The following PDE4A variants were observed in gnomAD, a reference collection of about 807,000 sequenced individuals.
PDE4A encodes the protein 3',5'-cyclic-AMP phosphodiesterase 4A.
PDE4A carries 21 observed loss-of-function variants against 73.9 expected under a neutral mutation model. The ratio of observed to expected loss-of-function variants is 0.28; its 90% CI spans 0.20 to 0.41. The LOEUF (loss-of-function observed/expected upper bound fraction) is 0.41, where lower values mean the gene tolerates loss of function less well. PDE4A is among the 10% of genes least tolerant of loss of function. PDE4A has a pLI of 1.00. For synonymous variants in PDE4A, 463 were observed against 505.4 expected (o/e 0.92, Z 1.13); for missense variants, 958 against 1,211.4 (o/e 0.79, Z 3.10).
At chr19:10,441,347 G>A (rs1042419901) in intron 1 of PDE4A, among the ~76,000 whole-genome samples, 2 of 151,420 alleles carry the variant, frequency 1.3e-5, no homozygotes, top group Non-Finnish European at 2.9e-5. Flanking sequence ...GGCTGGTCTC[G>A]AACTCCTGAC....
In PDE4A at chr19:10,458,188, G is replaced by A; in HGVS notation, c.1101+86G>A. The A allele has an allele frequency of 7.6e-7, 1 of 1,312,092 alleles. No individual in the cohort carries two copies. Among genetic ancestry groups the A allele is most frequent in the Non-Finnish European group, 1.1e-6 (1 of 932,526 alleles). 81.3% of individuals were successfully genotyped at this position (1,312,092 alleles called of 1,614,324 possible). A position where few individuals can be genotyped will look rare whatever the true frequency, so the allele number is the denominator to read the frequency against. ...GACTGGGCATTGGGTTATGTCTTAG[G>A]CCAGGTTTCCCAGAAGCAGAGCTTG... is the stretch of plus-strand genomic sequence containing the variant. On this transcript the variant is annotated intron_variant, in intron 8 of 14. Transcript: ENST00000380702. The surrounding 1 kb of genome is among the most constrained non-coding windows in gnomAD (Gnocchi z 4.6).
intron 1 of PDE4A, among the ~76,000 whole-genome samples, chr19:10,439,982 CTTTTTTTT>C (rs1162121051): frequency 1.8e-5 from 2 of 114,044 alleles, no homozygotes. Flanking sequence ...ATGGTATCTC[CTTTTTTTT>C]TTTTTTTTTT....
At chr19:10,446,901 C>CTTTTTTTCTCTTTTCTTATTTTT (rs1939804348) in intron 2 of PDE4A, among the ~76,000 whole-genome samples, 1 of 145,432 alleles carries the variant, frequency 6.9e-6, no homozygotes, top group Admixed American at 6.9e-5. Flanking sequence ...GCCTCAGTTC[C>CTTTTTTTCTCTTTTCTTATTTTT]TTTTTTTTTT....
intron 3 of PDE4A, 58 bp downstream of exon 3, chr19:10,449,011 T>C: frequency 6.2e-7 from 1 of 1,611,426 alleles, no homozygotes; most frequent in Non-Finnish European, 8.5e-7. Flanking sequence ...CCGCCACACT[T>C]GGGGACAGGG....
At chr19:10,446,553 C>A (rs1206462345) in intron 2 of PDE4A, 144 bp downstream of exon 2, 4 of 872,042 alleles carry the variant, frequency 4.6e-6, no homozygotes, top group Non-Finnish European at 6.8e-6. Flanking sequence ...GTAAGCAGCA[C>A]CCTGCCCCTC....
At chr19:10,460,000 C>A (rs2043237202) in intron 10 of PDE4A, among the ~76,000 whole-genome samples, 1 of 152,072 alleles carries the variant, frequency 6.6e-6, no homozygotes, top group Non-Finnish European at 1.5e-5. Flanking sequence ...CCTGCCTCAG[C>A]CTCCTGAGTA....
chr19:10,426,183 A>C (rs1454152376), intron 1 of PDE4A, among the ~76,000 whole-genome samples: 1 of 151,866 alleles, frequency 6.6e-6, no homozygotes, highest in East Asian at 1.9e-4. Flanking sequence ...GAAAAAAATA[A>C]AAGAAGTAAA....
At chr19:10,425,984 C>CACAA (rs2042712121) in intron 1 of PDE4A, among the ~76,000 whole-genome samples, 1 of 48,384 alleles carries the variant, frequency 2.1e-5, no homozygotes, top group Non-Finnish European at 3.8e-5. Flanking sequence ...GAGACCCTGT[C>CACAA]AAAAAAAAAA....
intron 1 of PDE4A, among the ~76,000 whole-genome samples, chr19:10,436,311 T>C (rs1341189735): frequency 6.6e-6 from 1 of 152,020 alleles, no homozygotes; most frequent in African/African-American, 2.4e-5. Flanking sequence ...ATCCCAGCAC[T>C]TTGGGAGGCC....
At chr19:10,461,815 G>A (rs2043277841) in intron 12 of PDE4A, 62 bp from the exon 13 acceptor site, 2 of 1,587,642 alleles carry the variant, frequency 1.3e-6, no homozygotes, top group South Asian at 1.1e-5. Context: ...GAAAACTTCA[G>A]AGGCCCGGGT....
At chr19:10,457,252 T>G (rs2043184518) in intron 7 of PDE4A, among the ~76,000 whole-genome samples, 1 of 152,184 alleles carries the variant, frequency 6.6e-6, no homozygotes, top group Admixed American at 6.5e-5. Context: ...GGTGTGTCTC[T>G]GAGTTCTGAG....
At chr19:10,420,431 G>A (rs1449892937), upstream of PDE4A, 5 of 953,578 alleles carry the variant, frequency 5.2e-6, no homozygotes, top group African/African-American at 7.1e-5. The surrounding 1 kb of genome is among the most constrained non-coding windows in gnomAD (Gnocchi z 6.0). Flanking sequence ...GAGGAGGGGG[G>A]CGGCGCTGAC....
chr19:10,426,867 C>CAA (rs1169070596), intron 1 of PDE4A, among the ~76,000 whole-genome samples: 2 of 99,224 alleles, frequency 2.0e-5, no homozygotes, highest in Admixed American at 1.1e-4. Context: ...GACTCCGTCT[C>CAA]AAAAAAAAAA....
upstream of PDE4A, chr19:10,420,369 G>A (rs1599393382): frequency 1.0e-6 from 1 of 980,120 alleles, no homozygotes; most frequent in Non-Finnish European, 1.2e-6. This position sits in a 1 kb window ranked among gnomAD's most constrained non-coding sequence, Gnocchi z 6.0. Context: ...ATCTGCGTGG[G>A]CGGGAAGGGC....
rs200315710 is a variant in PDE4A, at chr19:10,457,893, G to A, written c.892G>A (p.Val298Met). 2.5e-6 allele frequency: 4 copies of A among 1,612,184 alleles called. No individual in the cohort carries two copies. The highest frequency in any genetic ancestry group is 1.3e-5 in the African/African-American group (1 of 74,830). Residue 298 changes from valine (V) to methionine (M), a missense_variant, in exon 8 of 15, where the codon GTG becomes ATG. By Grantham distance (21) the Val-to-Met change is conservative. Transcript: ENST00000380702. ...ATCTTCTGCAGACAAACAGAATGAA[G>A]TGGAGATCCCATCACCCACGATGAA... ...STTFLDKQNE[V>M]EIPSPTMKER...
At position 10,424,386 on chromosome 19, in the gene PDE4A, G is replaced by T. The variant is rs1272394718; in HGVS notation, c.320+3302G>T. On this transcript the variant is annotated intron_variant, in intron 1 of 14. Coordinates refer to ENST00000380702, the MANE Select transcript of PDE4A (RefSeq NM_001111307.2). This position sits in a 1 kb window ranked among gnomAD's most constrained non-coding sequence, Gnocchi z 4.8. ...GCCGAGCTGGGGTATCCGTCTGGTC[G>T]CTGGTCTCTGTCTCCACTTGGGTCC... Among the ~76,000 whole-genome samples, 1 of 152,220 alleles carries T rather than the reference G, an allele frequency of 6.6e-6. No homozygotes were observed. The highest frequency in any genetic ancestry group is 2.4e-5 in the African/African-American group (1 of 41,452).
At chr19:10,421,317 G>T in intron 1 of PDE4A, 1 of 985,456 alleles carries the variant, frequency 1.0e-6, no homozygotes, top group Non-Finnish European at 1.2e-6. Context: ...CACGCTGCGC[G>T]TGGTGTTAAC....
intron 14 of PDE4A, among the ~76,000 whole-genome samples, chr19:10,465,890 A>G (rs1194097): frequency 2.0e-5 from 3 of 146,678 alleles, no homozygotes; most frequent in South Asian, 2.2e-4. Context: ...TAGTAGAGAC[A>G]GGGTTTCACC....
intron 7 of PDE4A, 88 bp from the exon 8 acceptor site, chr19:10,457,791 C>T: frequency 6.4e-7 from 1 of 1,556,534 alleles, no homozygotes; most frequent in African/African-American, 1.4e-5. Flanking sequence ...GTGAGCCTTC[C>T]CCGTACGTGG....
Sources: allele counts gnomAD v4.1 joint callset (sites outside exome capture counted in the v4.1 genomes callset), GRCh38; gene constraint gnomAD v4.1.1; non-coding constraint Gnocchi (gnomAD v3.1); transcripts MANE v1.5; gene names NCBI Gene and HGNC (gene_info 2026-07-23, HGNC 2026-07-21).